The following ARMH3 variants were observed in gnomAD, a reference collection of about 807,000 sequenced individuals.
The protein encoded by ARMH3 is armadillo like helical domain containing 3, also known as armadillo-like helical domain-containing protein 3.
Under a neutral mutation model 99.1 loss-of-function variants are expected in ARMH3, and 60 were observed. That is an observed-to-expected ratio of 0.61 (90% CI 0.49 to 0.75). ARMH3 has a LOEUF of 0.75. ARMH3 is among the 30% of genes least tolerant of loss of function. The probability of loss-of-function intolerance (pLI) is 0.00; values close to 1 mark genes in which losing one functional copy is unlikely to be tolerated. For synonymous variants in ARMH3, 285 were observed against 292.8 expected (o/e 0.97, Z 0.27); for missense variants, 679 against 843.1 (o/e 0.81, Z 2.41).
intron 19 of ARMH3, among the ~76,000 whole-genome samples, chr10:101,988,514 C>T (rs1418211005): frequency 6.6e-6 from 1 of 152,174 alleles, no homozygotes; most frequent in Non-Finnish European, 1.5e-5. Flanking sequence ...AGACTTACTT[C>T]TAAACACCCA....
intron 2 of ARMH3, among the ~76,000 whole-genome samples, chr10:102,038,513 A>C (rs1260436152): frequency 6.6e-6 from 1 of 152,122 alleles, no homozygotes; most frequent in African/African-American, 2.4e-5. Context: ...AAAGTTAGGT[A>C]TTTTAGTGGA....
intron 24 of ARMH3, among the ~76,000 whole-genome samples, chr10:101,869,267 T>A (rs2067078397): frequency 6.7e-6 from 1 of 150,250 alleles, no homozygotes; most frequent in South Asian, 2.1e-4. Context: ...ATACTTAACT[T>A]CTAAAAGCGA....
intron 14 of ARMH3, among the ~76,000 whole-genome samples, chr10:102,006,291 A>G (rs1163266292): frequency 6.6e-6 from 1 of 152,210 alleles, no homozygotes; most frequent in African/African-American, 2.4e-5. Flanking sequence ...CTAGCACTCC[A>G]TGCCTCTACA....
At chr10:101,912,738 G>T (rs1842921777) in intron 23 of ARMH3, among the ~76,000 whole-genome samples, 1 of 152,172 alleles carries the variant, frequency 6.6e-6, no homozygotes, top group Non-Finnish European at 1.5e-5. Flanking sequence ...CATCCATCTT[G>T]TTCCTAATCT....
intron 20 of ARMH3, among the ~76,000 whole-genome samples, chr10:101,972,336 T>C (rs1303199174): frequency 6.6e-6 from 1 of 152,186 alleles, no homozygotes; most frequent in Non-Finnish European, 1.5e-5. Flanking sequence ...CCCTAGAGGA[T>C]TGCTTCCTAG....
At chr10:101,924,293 T>C (rs1223710566) in intron 23 of ARMH3, among the ~76,000 whole-genome samples, 1 of 151,916 alleles carries the variant, frequency 6.6e-6, no homozygotes, top group South Asian at 2.1e-4. Context: ...AAAATAACAA[T>C]AGTAGCTATC....
chr10:101,983,694 T>G (rs1846331428), intron 19 of ARMH3, among the ~76,000 whole-genome samples: 1 of 152,202 alleles, frequency 6.6e-6, no homozygotes, highest in Non-Finnish European at 1.5e-5. Flanking sequence ...GCAGGGAGGT[T>G]GGCACACCCC....
intron 11 of ARMH3, 22 bp downstream of exon 11, chr10:102,011,700 GA>G (rs762985385): frequency 0.027 from 27,798 of 1,022,644 alleles, no homozygotes; most frequent in South Asian, 0.049. Flanking sequence ...TTTTTCAGGA[GA>G]AAAAAAAAAA....
At chr10:101,855,568 C>T (rs542555235) in intron 24 of ARMH3, among the ~76,000 whole-genome samples, 1 of 150,866 alleles carries the variant, frequency 6.6e-6, no homozygotes, top group Non-Finnish European at 1.5e-5. Context: ...TTTTTTGAGA[C>T]AAGATCTCAC....
intron 1 of ARMH3, among the ~76,000 whole-genome samples, chr10:102,052,409 A>C (rs1040292876): frequency 6.6e-5 from 10 of 152,056 alleles, no homozygotes; most frequent in African/African-American, 1.9e-4. Context: ...TTTTTTGTAG[A>C]GACAGGGTTT....
At chr10:101,971,095 C>CAAAAAAAAA (rs71472590) in intron 20 of ARMH3, among the ~76,000 whole-genome samples, 6 of 33,238 alleles carry the variant, frequency 1.8e-4, no homozygotes, top group African/African-American at 2.5e-4. Context: ...AGACCGTCTC[C>CAAAAAAAAA]AAAAAAAAAA....
intron 9 of ARMH3, 26 bp from the exon 10 acceptor site, chr10:102,012,902 G>C: frequency 6.3e-7 from 1 of 1,584,464 alleles, no homozygotes; most frequent in Non-Finnish European, 8.6e-7. Context: ...TAGCACAGGT[G>C]AAATAAGACA....
intron 23 of ARMH3, among the ~76,000 whole-genome samples, chr10:101,899,992 A>G (rs1255429178): frequency 6.6e-6 from 1 of 152,236 alleles, no homozygotes; most frequent in Non-Finnish European, 1.5e-5. Context: ...AAGAACCACA[A>G]AAGTCAAATG....
At chr10:101,900,370 T>C (rs748475785) in intron 23 of ARMH3, among the ~76,000 whole-genome samples, 6 of 152,074 alleles carry the variant, frequency 3.9e-5, no homozygotes, top group Non-Finnish European at 8.8e-5. Flanking sequence ...TATAAGAAAA[T>C]GTGTATTAGA....
intron 24 of ARMH3, among the ~76,000 whole-genome samples, chr10:101,884,847 A>C (rs1156800647): frequency 6.6e-6 from 1 of 152,192 alleles, no homozygotes; most frequent in Non-Finnish European, 1.5e-5. Flanking sequence ...CTTATGCATA[A>C]AGGACACTAA....
intron 2 of ARMH3, among the ~76,000 whole-genome samples, chr10:102,036,840 T>G (rs1229443931): frequency 2.2e-5 from 3 of 137,648 alleles, no homozygotes; most frequent in Non-Finnish European, 4.7e-5. Flanking sequence ...AATCCCCCTC[T>G]CCGAGAAACA....
intron 24 of ARMH3, among the ~76,000 whole-genome samples, chr10:101,861,722 T>A: frequency 1.0e-5 from 1 of 100,360 alleles, no homozygotes; most frequent in Non-Finnish European, 1.9e-5. Flanking sequence ...AGAGCGAGAC[T>A]CCGTCTCAAA....
chr10:101,937,912 G>A (rs943214417), intron 23 of ARMH3, among the ~76,000 whole-genome samples: 4 of 152,192 alleles, frequency 2.6e-5, no homozygotes, highest in Admixed American at 1.3e-4. Context: ...AGGCTGGAGT[G>A]CAGTGGCATG....
intron 23 of ARMH3, among the ~76,000 whole-genome samples, chr10:101,925,652 TA>T (rs1843479779): frequency 6.6e-6 from 1 of 152,320 alleles, no homozygotes; most frequent in African/African-American, 2.4e-5. Flanking sequence ...GCTCAGCCTG[TA>T]ATCCCAGCAC....
Sources: gnomAD v4.1 joint callset for allele counts (sites outside exome capture counted in the v4.1 genomes callset) on GRCh38, gnomAD v4.1.1 for gene constraint, MANE v1.5 for transcripts, NCBI Gene and HGNC (gene_info 2026-07-23, HGNC 2026-07-21) for gene names.